SEMA3E: variants seen among roughly 807,000 people sequenced by gnomAD.
SEMA3E encodes the protein semaphorin-3E.
Under a neutral mutation model 93.6 loss-of-function variants are expected in SEMA3E, and 49 were observed. The observed-to-expected ratio is 0.52, with a 90% CI of 0.42 to 0.66. The LOEUF is 0.66. Among genes scored for constraint, SEMA3E ranks in the 30% least tolerant of loss-of-function variants. The pLI, the probability that SEMA3E is intolerant of heterozygous loss-of-function variation, is 0.00. For synonymous variants in SEMA3E, 363 were observed against 330.7 expected, an observed-to-expected ratio of 1.10 and a Z score of -1.06; for missense variants, 906 against 964.8, an observed-to-expected ratio of 0.94 and a Z score of 0.81.
At position 83,464,267 on chromosome 7, in the gene SEMA3E, G is replaced by A. The variant is rs1447906011; in HGVS notation, c.456+2215C>T. ...ACCACTTTCCCTTCTCAGAATTCAG[G>A]CCTGTCCTCGGAATGCTACAGGGTA... On this transcript the variant is annotated intron_variant, in intron 4 of 16. Coordinates refer to ENST00000643230, the MANE Select transcript of SEMA3E (RefSeq NM_012431.3). Among the ~76,000 whole-genome samples, 6 of 151,622 alleles carry A rather than the reference G, an allele frequency of 4.0e-5. No homozygotes were observed. In the East Asian group the frequency reaches 1.2e-3, roughly 30 times the overall value.
intron 1 of SEMA3E, among the ~76,000 whole-genome samples, chr7:83,519,730 G>T (rs13237389): frequency 0.53 from 80,472 of 151,938 alleles, 23,594 homozygotes; most frequent in Middle Eastern, 0.7. Context: ...CATGAAAATC[G>T]TGGAAGCTTT....
At chr7:83,425,207 T>C (rs1408771264) in intron 4 of SEMA3E, among the ~76,000 whole-genome samples, 2 of 147,220 alleles carry the variant, frequency 1.4e-5, no homozygotes, top group African/African-American at 2.6e-5. Context: ...GTTAACATTA[T>C]ACTATTCAAT....
At chr7:83,508,528 C>T (rs1486323555) in intron 1 of SEMA3E, among the ~76,000 whole-genome samples, 1 of 152,118 alleles carries the variant, frequency 6.6e-6, no homozygotes, top group East Asian at 1.9e-4. Context: ...TCCCAAAGTG[C>T]TAGGATTACA....
chr7:83,507,471 TGTGA>T (rs1790727460), intron 1 of SEMA3E, among the ~76,000 whole-genome samples: 1 of 141,038 alleles, frequency 7.1e-6, no homozygotes, highest in African/African-American at 2.8e-5. Context: ...TGTGTGTGTG[TGTGA>T]AAGGGAGAGA....
At chr7:83,606,282 A>T (rs182416897) in intron 1 of SEMA3E, among the ~76,000 whole-genome samples, 1 of 152,326 alleles carries the variant, frequency 6.6e-6, no homozygotes, top group African/African-American at 2.4e-5. Context: ...TTGCTGATTC[A>T]TTGGCCTTAA....
rs546094075 is a variant in SEMA3E, at chr7:83,605,445, T to A, written c.115+42983A>T. On this transcript the variant is annotated intron_variant, in intron 1 of 16. Transcript: ENST00000643230. Reference sequence around the variant, plus strand: ...TAAATGTCCTCTCTTTTTTTTTTTTTATTGAGATGGAGTCTTGCTCTGTTG... The same window carrying A: ...TAAATGTCCTCTCTTTTTTTTTTTTAATTGAGATGGAGTCTTGCTCTGTTG... 3.4e-3 allele frequency among the ~76,000 whole-genome samples: 512 copies of A among 152,010 alleles called. 4 individuals are homozygous for A. Among genetic ancestry groups the A allele is most frequent in the African/African-American group, 0.012 (478 of 41,430 alleles).
At chr7:83,374,318 T>C (rs1794791622) in intron 16 of SEMA3E, among the ~76,000 whole-genome samples, 1 of 151,858 alleles carries the variant, frequency 6.6e-6, no homozygotes, top group South Asian at 2.1e-4. Context: ...ATACCAAATG[T>C]TGGTGAGCAT....
chr7:83,475,193 T>A (rs1405686638), intron 2 of SEMA3E, among the ~76,000 whole-genome samples: 1 of 152,064 alleles, frequency 6.6e-6, no homozygotes, highest in Non-Finnish European at 1.5e-5. Context: ...TTCTTACTCA[T>A]TTTTCATTAT....
rs79885192 is a variant in SEMA3E, at chr7:83,411,326, T to C, written c.551-2839A>G. On this transcript the variant is annotated intron_variant, in intron 5 of 16. Transcript: ENST00000643230. ...TGTGAGCAATTCCCATAACACAATA[T>C]GAACTGTATGACTTGAATTTCAAAG... 2.2e-4 allele frequency among the ~76,000 whole-genome samples: 33 copies of C among 152,188 alleles called. No homozygotes were observed. The East Asian group carries it at 6.4e-3, about 29-fold the overall frequency.
intron 3 of SEMA3E, 117 bp from the exon 4 acceptor site, chr7:83,466,718 G>A (rs374150051): frequency 2.4e-6 from 3 of 1,275,736 alleles, no homozygotes; most frequent in African/African-American, 2.9e-5. Flanking sequence ...TCTCTGTTGG[G>A]TGAAGGAGGC....
At chr7:83,625,429 T>A (rs898706348) in intron 1 of SEMA3E, among the ~76,000 whole-genome samples, 10 of 152,060 alleles carry the variant, frequency 6.6e-5, no homozygotes, top group Non-Finnish European at 4.4e-5. Flanking sequence ...CTCCTTGAAG[T>A]GGTCCTTCAC....
Position 83,392,565 on chromosome 7 carries a change from G to C in SEMA3E, c.1657C>G (p.His553Asp). 1.1e-5 allele frequency: 18 copies of C among 1,612,902 alleles called. No individual in the cohort carries two copies. Among genetic ancestry groups the C allele is most frequent in the Non-Finnish European group, 1.5e-5 (18 of 1,179,546 alleles). Residue 553 changes from histidine to aspartate, a missense_variant, in exon 14 of 17, where the codon CAT becomes GAT. His to Asp is a moderately conservative substitution (Grantham distance 81, BLOSUM62 -1). Coordinates refer to ENST00000643230, the MANE Select transcript of SEMA3E (RefSeq NM_012431.3). ...SCSRYYPTGT[H>D]AKRRFRRQDV... Reference sequence around the variant, plus strand: ...GGTAGCACGTCTCACCTTTTTGCATGTGTGCCTGTTGGGTAATACCGGGAG... The same window carrying C: ...GGTAGCACGTCTCACCTTTTTGCATCTGTGCCTGTTGGGTAATACCGGGAG...
chr7:83,626,440 G>C (rs1055197445), intron 1 of SEMA3E, among the ~76,000 whole-genome samples: 1 of 152,206 alleles, frequency 6.6e-6, no homozygotes, highest in South Asian at 2.1e-4. Context: ...TTGGGAGAGT[G>C]CATGTGTCCA....
chr7:83,543,358 C>CT (rs72053273), intron 1 of SEMA3E, among the ~76,000 whole-genome samples: 14 of 150,908 alleles, frequency 9.3e-5, no homozygotes, highest in African/African-American at 1.7e-4. Flanking sequence ...ACTGAATGAA[C>CT]TTTTTTTTTA....
At chr7:83,408,158 G>C (rs552672487) in intron 6 of SEMA3E, among the ~76,000 whole-genome samples, 1 of 152,036 alleles carries the variant, frequency 6.6e-6, no homozygotes, top group African/African-American at 2.4e-5. Flanking sequence ...AAGGTATACT[G>C]ATTTTATAAT....
chr7:83,446,231 G>T (rs1241475422), intron 4 of SEMA3E, among the ~76,000 whole-genome samples: 1 of 152,142 alleles, frequency 6.6e-6, no homozygotes, highest in African/African-American at 2.4e-5. Flanking sequence ...CTCCAGAATA[G>T]TAGCAACTTG....
intron 1 of SEMA3E, among the ~76,000 whole-genome samples, chr7:83,561,196 T>A (rs964571362): frequency 6.6e-6 from 1 of 152,106 alleles, no homozygotes; most frequent in African/African-American, 2.4e-5. Context: ...TGAGAATTAG[T>A]CACGGTTTTT....
At chr7:83,425,847 A>G (rs572578058) in intron 4 of SEMA3E, among the ~76,000 whole-genome samples, 2 of 152,302 alleles carry the variant, frequency 1.3e-5, no homozygotes, top group South Asian at 4.1e-4. Context: ...CATCCAACAA[A>G]GGTTTAATAT....
intron 16 of SEMA3E, among the ~76,000 whole-genome samples, chr7:83,379,701 G>A (rs1005073948): frequency 6.6e-6 from 1 of 151,652 alleles, no homozygotes; most frequent in African/African-American, 2.4e-5. Flanking sequence ...AGACTGTCTG[G>A]GCTCAAATGC....
Sources: gnomAD v4.1 joint callset for allele counts (sites outside exome capture counted in the v4.1 genomes callset) on GRCh38, gnomAD v4.1.1 for gene constraint, MANE v1.5 for transcripts, NCBI Gene and HGNC (gene_info 2026-07-23, HGNC 2026-07-21) for gene names.